The following PPP2R2B variants were observed in gnomAD, a reference collection of about 807,000 sequenced individuals.
The protein encoded by PPP2R2B is serine/threonine-protein phosphatase 2A 55 kDa regulatory subunit B beta isoform.
A neutral mutation model predicts 46.0 loss-of-function variants in PPP2R2B; 5 were observed. The observed-to-expected ratio is 0.11, with a 90% CI of 0.06 to 0.23. The LOEUF (loss-of-function observed/expected upper bound fraction) is 0.23, where lower values mean the gene tolerates loss of function less well. PPP2R2B is among the 10% of genes least tolerant of loss of function. PPP2R2B has a pLI of 1.00. For synonymous variants in PPP2R2B, 215 were observed against 206.7 expected (o/e 1.04, Z -0.34); for missense variants, 367 against 575.0 (o/e 0.64, Z 3.70).
chr5:146,693,585 T>C (rs1779005302), intron 4 of PPP2R2B, among the ~76,000 whole-genome samples: 1 of 152,192 alleles, frequency 6.6e-6, no homozygotes, highest in Non-Finnish European at 1.5e-5. Flanking sequence ...GAACACCCAG[T>C]TAAGTTTGAA....
At chr5:146,658,013 A>T (rs548860870) in intron 5 of PPP2R2B, among the ~76,000 whole-genome samples, 80 of 152,348 alleles carry the variant, frequency 5.3e-4, no homozygotes, top group Non-Finnish European at 8.2e-4. Context: ...TTTATTGAGC[A>T]TCTACTACAT....
chr5:146,978,041 T>C (rs1446452065), intron 1 of PPP2R2B, among the ~76,000 whole-genome samples: 1 of 152,156 alleles, frequency 6.6e-6, no homozygotes, highest in African/African-American at 2.4e-5. Flanking sequence ...GCATCTGTTG[T>C]TTCCTGACTT....
At chr5:146,877,126 T>C (rs1261216785) in intron 2 of PPP2R2B, among the ~76,000 whole-genome samples, 1 of 142,594 alleles carries the variant, frequency 7.0e-6, no homozygotes, top group African/African-American at 2.8e-5. Flanking sequence ...GCAAAAGTTT[T>C]GGCACTGGGG....
chr5:146,655,522 A>T (rs1350030745), intron 5 of PPP2R2B, among the ~76,000 whole-genome samples: 3 of 152,140 alleles, frequency 2.0e-5, no homozygotes, highest in Non-Finnish European at 4.4e-5. Context: ...GTGAATTTTC[A>T]TCGCTATCCT....
rs1238356233 is a variant in PPP2R2B at position 146,833,208 on chromosome 5, C to T, written c.70+44794G>A. On this transcript the variant is annotated intron_variant, in intron 2 of 9. Transcript: ENST00000394411. The stretch of plus-strand genomic sequence containing the variant: ...AATGCCAATATATCAAGCCCATCAT[C>T]AAACAGATCATCTTACATATTTGTG... Among the ~76,000 whole-genome samples, 3 of 152,256 alleles carry T rather than the reference C, an allele frequency of 2.0e-5. No individual in the cohort carries two copies. In the East Asian group the frequency reaches 5.8e-4, roughly 29 times the overall value.
At chr5:146,625,642 T>C (rs1486726762) in intron 7 of PPP2R2B, among the ~76,000 whole-genome samples, 1 of 152,108 alleles carries the variant, frequency 6.6e-6, no homozygotes, top group Non-Finnish European at 1.5e-5. Context: ...GAAGTCTTCC[T>C]GGAGGAATGT....
At chr5:146,879,665 C>T (rs1315348030), upstream of PPP2R2B, among the ~76,000 whole-genome samples, 1 of 152,074 alleles carries the variant, frequency 6.6e-6, no homozygotes, top group South Asian at 2.1e-4. Context: ...AGAATTCCCT[C>T]CCCACCCATG....
intron 1 of PPP2R2B, among the ~76,000 whole-genome samples, chr5:147,018,981 T>C (rs1755134328): frequency 6.6e-6 from 1 of 152,196 alleles, no homozygotes; most frequent in Admixed American, 6.5e-5. Flanking sequence ...TTTGTATAGT[T>C]CAGCCTACAA....
At chr5:146,729,868 T>C (rs1035501886) in intron 2 of PPP2R2B, among the ~76,000 whole-genome samples, 1 of 152,170 alleles carries the variant, frequency 6.6e-6, no homozygotes, top group African/African-American at 2.4e-5. Flanking sequence ...ATGGAGAACC[T>C]CTGCTAGGGC....
At chr5:147,047,825 T>C (rs1561598338) in intron 1 of PPP2R2B, among the ~76,000 whole-genome samples, 4 of 152,306 alleles carry the variant, frequency 2.6e-5, no homozygotes, top group Non-Finnish European at 2.9e-5. Context: ...ATTCTTCCCA[T>C]GGCAGCCACT....
At chr5:146,715,165 A>G (rs3906862) in intron 2 of PPP2R2B, among the ~76,000 whole-genome samples, 41,651 of 152,082 alleles carry the variant, frequency 0.27, 6,941 homozygotes, top group African/African-American at 0.47. Flanking sequence ...TTACAGACAC[A>G]TTGTAAATGG....
intron 1 of PPP2R2B, among the ~76,000 whole-genome samples, chr5:146,999,120 T>C (rs890341305): frequency 1.3e-5 from 2 of 152,110 alleles, no homozygotes; most frequent in African/African-American, 4.8e-5. Context: ...CATTCATTGT[T>C]TGAGCAAATG....
intron 2 of PPP2R2B, among the ~76,000 whole-genome samples, chr5:146,757,348 T>C (rs1418313370): frequency 2.0e-5 from 3 of 152,112 alleles, no homozygotes; most frequent in Non-Finnish European, 2.9e-5. Flanking sequence ...TAAATATCTA[T>C]TGCATACACA....
chr5:146,657,463 A>T (rs1233675564), intron 5 of PPP2R2B, among the ~76,000 whole-genome samples: 1 of 152,198 alleles, frequency 6.6e-6, no homozygotes, highest in Non-Finnish European at 1.5e-5. Context: ...AATCTCATTG[A>T]GGTGAACAGA....
chr5:146,875,277 A>G (rs1049681782), intron 2 of PPP2R2B, among the ~76,000 whole-genome samples: 2 of 152,194 alleles, frequency 1.3e-5, no homozygotes, highest in African/African-American at 4.8e-5. Flanking sequence ...AAAGATGTTA[A>G]CTTTAAAAGA....
At chr5:147,065,990 A>G (rs1757404268) in intron 2 of PPP2R2B, among the ~76,000 whole-genome samples, 1 of 152,164 alleles carries the variant, frequency 6.6e-6, no homozygotes, top group Non-Finnish European at 1.5e-5. Flanking sequence ...TCAAGGACCC[A>G]CACCTGGTAA....
intron 2 of PPP2R2B, among the ~76,000 whole-genome samples, chr5:146,776,469 G>T (rs1755189314): frequency 6.6e-6 from 1 of 151,890 alleles, no homozygotes; most frequent in Non-Finnish European, 1.5e-5. Flanking sequence ...ATGAAGTTGG[G>T]CCCTACCCAA....
intron 1 of PPP2R2B, among the ~76,000 whole-genome samples, chr5:146,956,284 A>C (rs917408480): frequency 1.3e-5 from 2 of 152,092 alleles, no homozygotes; most frequent in African/African-American, 4.8e-5. Flanking sequence ...TTATTCTCCT[A>C]TACACTTTAA....
chr5:146,973,311 C>T (rs1752750467), intron 1 of PPP2R2B, among the ~76,000 whole-genome samples: 1 of 152,162 alleles, frequency 6.6e-6, no homozygotes, highest in Admixed American at 6.5e-5. Flanking sequence ...ATGTTCTTTC[C>T]ATAGAGACAG....
Sources: gnomAD v4.1 joint callset for allele counts (sites outside exome capture counted in the v4.1 genomes callset) on GRCh38, gnomAD v4.1.1 for gene constraint, MANE v1.5 for transcripts, NCBI Gene and HGNC (gene_info 2026-07-23, HGNC 2026-07-21) for gene names.